SHANK1: variants seen among roughly 807,000 people sequenced by gnomAD.
SHANK1 encodes SH3 and multiple ankyrin repeat domains protein 1.
A neutral mutation model predicts 165.6 loss-of-function variants in SHANK1; 35 were observed. The ratio of observed to expected loss-of-function variants is 0.21; its 90% CI spans 0.16 to 0.28. The LOEUF (loss-of-function observed/expected upper bound fraction) is 0.28, where lower values mean the gene tolerates loss of function less well. Ranked by LOEUF, SHANK1 falls within the 10% of genes least tolerant of loss-of-function variation. The probability of loss-of-function intolerance (pLI) is 1.00; values close to 1 mark genes in which losing one functional copy is unlikely to be tolerated. For synonymous variants in SHANK1, 1,428 were observed against 1,384.8 expected (o/e 1.03, Z -0.69); for missense variants, 2,681 against 3,036.4 (o/e 0.88, Z 2.75).
rs147232411 is a variant in SHANK1, at chr19:50,662,223, G to A, written c.6228C>T (p.Leu2076=). 4.7e-4 allele frequency: 759 copies of A among 1,609,652 alleles called. No homozygotes were observed. The highest frequency in any genetic ancestry group is 6.0e-4 in the Non-Finnish European group (710 of 1,177,180). ...GCAGCGAGAGCAGGCGGGTCGGTGA[G>A]AGGGAGCGCGAGGCCCCTGACAAGG... ...GGALSGASRS[L]SPTRLLSLPP... Residue 2076 remains leucine, a synonymous_variant, in exon 24 of 24, where the codon CTC becomes CTT. Transcript: ENST00000293441. This position sits in a 1 kb window ranked among gnomAD's most constrained non-coding sequence, Gnocchi z 7.7.
At chr19:50,694,827 C>T (rs1340719338) in intron 15 of SHANK1, among the ~76,000 whole-genome samples, 1 of 117,416 alleles carries the variant, frequency 8.5e-6, no homozygotes, top group East Asian at 2.5e-4. Context: ...TGGGGTTTAG[C>T]GGCGGGGGAG....
Position 50,686,273 on chromosome 19 carries a change from C to G in SHANK1, c.2541G>C (p.Leu847=). 6.2e-7 allele frequency: 1 copy of G among 1,607,542 alleles called. No individual in the cohort carries two copies. Among genetic ancestry groups the G allele is most frequent in the Non-Finnish European group, 8.5e-7 (1 of 1,176,608 alleles). ...AGAAACCTTTGGGTCGGTGTTTGCC[C>G]AGGGACGCGAGGCCACCGGGACCAG... ...ESPGPGGLAS[L]GKHRPKGFFA... is the part of the protein sequence containing the mutation. The change falls in exon 21 of 24, where the codon CTG becomes CTC. Residue 847 remains leucine (L), a synonymous_variant. Coordinates refer to ENST00000293441, the MANE Select transcript of SHANK1 (RefSeq NM_016148.5). This position sits in a 1 kb window ranked among gnomAD's most constrained non-coding sequence, Gnocchi z 5.7.
At chr19:50,694,577 A>C in intron 15 of SHANK1, among the ~76,000 whole-genome samples, 1 of 80,494 alleles carries the variant, frequency 1.2e-5, no homozygotes, top group African/African-American at 5.1e-5. Context: ...GCTGGGAGGA[A>C]GGTCTTGGGG....
At position 50,717,143 on chromosome 19, in the gene SHANK1, C is replaced by T. The variant is rs933181821; in HGVS notation, c.-43-181G>A. On this transcript the variant is annotated intron_variant, in intron 1 of 23. Transcript: ENST00000293441. The surrounding 1 kb of genome is among the most constrained non-coding windows in gnomAD (Gnocchi z 5.5). ...CCTGCCGCCTCCTCCCACGCTGGCACGCACACACCCCTGTCCCTGACATGC... is the reference window on the plus strand; with the variant it reads ...CCTGCCGCCTCCTCCCACGCTGGCATGCACACACCCCTGTCCCTGACATGC... Among the ~76,000 whole-genome samples, 1 of 152,166 alleles carries T rather than the reference C, an allele frequency of 6.6e-6. No individual in the cohort carries two copies. Among genetic ancestry groups the T allele is most frequent in the African/African-American group, 2.4e-5 (1 of 41,436 alleles).
Position 50,686,174 on chromosome 19 carries a change from G to C in SHANK1, c.2577+63C>G, listed in dbSNP as rs534604138. 5.4e-5 allele frequency: 51 copies of C among 945,962 alleles called. No homozygotes were observed. Among genetic ancestry groups the C allele is most frequent in the South Asian group, 5.3e-4 (32 of 60,650 alleles). The allele number at this position is 945,962 out of a possible 1,614,324, so 58.6% of individuals were successfully genotyped here. A position where few individuals can be genotyped will look rare whatever the true frequency, so the allele number is the denominator to read the frequency against. On this transcript the variant is annotated intron_variant, in intron 21 of 23. Transcript: ENST00000293441. This position sits in a 1 kb window ranked among gnomAD's most constrained non-coding sequence, Gnocchi z 5.7. ...TCAGGAGGGTTTTGGAAAGAGAAAGGCTCCAGGTTGGTGTGTGAACCGCCT... is the reference window on the plus strand; with the variant it reads ...TCAGGAGGGTTTTGGAAAGAGAAAGCCTCCAGGTTGGTGTGTGAACCGCCT...
intron 23 of SHANK1, 80 bp downstream of exon 23, chr19:50,666,112 G>A (rs986484598): frequency 1.5e-5 from 20 of 1,353,348 alleles, no homozygotes; most frequent in Non-Finnish European, 1.8e-5. Flanking sequence ...TTTCCTTTCT[G>A]CCACCCTGAG....
In SHANK1 at chr19:50,702,403, C is replaced by A. The variant is rs116829160; in HGVS notation, c.1747+64G>T. 591 of 1,449,768 alleles carry A rather than the reference C, an allele frequency of 4.1e-4. 2 individuals are homozygous for A. In the African/African-American group the frequency reaches 7.2e-3, roughly 18 times the overall value. The allele number at this position is 1,449,768 out of a possible 1,614,324, so 89.8% of individuals were successfully genotyped here. A position where few individuals can be genotyped will look rare whatever the true frequency, so the allele number is the denominator to read the frequency against. ...GCCCGAGAATGGTCTGCTCTCTGCT[C>A]CACATTTTCCCTGATCGCCCCCACA... On this transcript the variant is annotated intron_variant, in intron 12 of 23. Transcript: ENST00000293441. The surrounding 1 kb of genome is among the most constrained non-coding windows in gnomAD (Gnocchi z 5.3).
Position 50,662,673 on chromosome 19 carries a change from G to T in SHANK1, c.5778C>A (p.Asp1926Glu). The T allele has an allele frequency of 6.4e-7, 1 of 1,561,972 alleles. No homozygotes were observed. Among genetic ancestry groups the T allele is most frequent in the Non-Finnish European group, 8.7e-7 (1 of 1,153,094 alleles). ...TGGAGAGGAGTGAGGACTGGGAGTCGTCGGAGAGTCTGGAATGTGACAAGG... is the reference window on the plus strand; with the variant it reads ...TGGAGAGGAGTGAGGACTGGGAGTCTTCGGAGAGTCTGGAATGTGACAAGG... ...TSSLQRQRLSDDSQSSLLSKP... is the reference protein window; with the variant it reads ...TSSLQRQRLSEDSQSSLLSKP... The change falls in exon 24 of 24, where the codon GAC becomes GAA. Residue 1926 changes from aspartate (D) to glutamate (E), a missense_variant. By Grantham distance (45) the Asp-to-Glu change is conservative. Around this residue, in one of 10 missense-constraint regions of SHANK1, gnomAD observed 1,713 missense variants for 1,630.2 expected, o/e 1.05. Coordinates refer to ENST00000293441, the MANE Select transcript of SHANK1 (RefSeq NM_016148.5). The surrounding 1 kb of genome is among the most constrained non-coding windows in gnomAD (Gnocchi z 7.7).
rs1344235530 is a variant in SHANK1, at chr19:50,711,982, T to G, written c.925A>C (p.Ile309Leu). ...LLLFNRAQLG[I>L]ADENGWQEIH... ...TCCTGCCAGCCGTTCTCATCAGCTA[T>G]GCCCAGCTGGGCCCTGTTGAACAGG... The change falls in exon 7 of 24, where the codon ATA becomes CTA. Residue 309 changes from isoleucine to leucine, a missense_variant. Ile to Leu is a conservative substitution (Grantham distance 5). Around this residue, in one of 10 missense-constraint regions of SHANK1, gnomAD observed 189 missense variants for 440.9 expected, o/e 0.43. Transcript: ENST00000293441. 1 of 1,614,114 alleles carries G rather than the reference T, an allele frequency of 6.2e-7. No homozygotes were observed. The highest frequency in any genetic ancestry group is 1.7e-5 in the Admixed American group (1 of 60,022).
In SHANK1 at chr19:50,667,135, C is replaced by T. The variant is rs777328992; in HGVS notation, c.4825G>A (p.Ala1609Thr). Residue 1609 changes from alanine (A) to threonine (T), a missense_variant, in exon 23 of 24, where the codon GCT becomes ACT. Physicochemically the swap from Ala to Thr is moderately conservative, Grantham distance 58 (BLOSUM62 0). This residue lies in a region of SHANK1 where 1,713 missense variants were observed against 1,630.2 expected (regional missense o/e 1.05). Coordinates refer to ENST00000293441, the MANE Select transcript of SHANK1 (RefSeq NM_016148.5). The surrounding 1 kb of genome is among the most constrained non-coding windows in gnomAD (Gnocchi z 5.7). ...AGGGTGGGAGGGGCTGCGGCCACAG[C>T]CGGGGGTGGCACAGGGGGTAACGGG... ...ATPLPPVPPP[A>T]VAAAPPTLDS... The T allele has an allele frequency of 1.9e-6, 3 of 1,554,106 alleles. No homozygotes were observed. The highest frequency in any genetic ancestry group is 1.7e-6 in the Non-Finnish European group (2 of 1,156,372).
At position 50,716,362 on chromosome 19, in the gene SHANK1, G is replaced by A; in HGVS notation, c.372C>T (p.Thr124=). The stretch of plus-strand genomic sequence containing the variant: ...CCAGGAAGTTGGCATCGCGGCCGGA[G>A]GTGGCCGGTTGGAACAGGCCATAGT... ...VLNYGLFQPA[T]SGRDANFLEE... The change falls in exon 3 of 24, where the codon ACC becomes ACT. Residue 124 remains threonine, a synonymous_variant. Transcript: ENST00000293441. This position sits in a 1 kb window ranked among gnomAD's most constrained non-coding sequence, Gnocchi z 8.4. 1.2e-6 allele frequency: 2 copies of A among 1,614,228 alleles called. No individual in the cohort carries two copies. Among genetic ancestry groups the A allele is most frequent in the Non-Finnish European group, 1.7e-6 (2 of 1,180,038 alleles).
chr19:50,690,289 A>G lies in SHANK1; in HGVS notation c.1965-1010T>C, dbSNP rs74447341. On this transcript the variant is annotated intron_variant, in intron 15 of 23. Transcript: ENST00000293441. The surrounding 1 kb of genome is among the most constrained non-coding windows in gnomAD (Gnocchi z 4.9). ...AGGCTCACGTACCCAGGAAATGTCA[A>G]TGAAACTCAGATACAGTTCATGGAT... Among the ~76,000 whole-genome samples, 1,823 of 152,216 alleles carry G rather than the reference A, an allele frequency of 0.012. 40 individuals carry two copies. Among genetic ancestry groups the G allele is most frequent in the African/African-American group, 0.042 (1,745 of 41,504 alleles).
intron 15 of SHANK1, among the ~76,000 whole-genome samples, chr19:50,689,734 G>A (rs1986483640): frequency 6.6e-6 from 1 of 152,142 alleles, no homozygotes; most frequent in South Asian, 2.1e-4. Context: ...AATCCAGTGG[G>A]GGTAATACAC....
At chr19:50,714,135 A>AGC in intron 5 of SHANK1, 47 bp downstream of exon 5, 1 of 1,579,398 alleles carries the variant, frequency 6.3e-7, no homozygotes, top group Non-Finnish European at 8.7e-7. Context: ...CCTGCTCCCC[A>AGC]GCTCTGTCCT....
chr19:50,668,015 G>A lies in SHANK1; in HGVS notation c.3945C>T (p.Ala1315=). 6.8e-7 allele frequency: 1 copy of A among 1,474,894 alleles called. No homozygotes were observed. The highest frequency in any genetic ancestry group is 8.9e-7 in the Non-Finnish European group (1 of 1,118,812). The allele number at this position is 1,474,894 out of a possible 1,614,324, so 91.4% of individuals were successfully genotyped here. The change falls in exon 23 of 24, where the codon GCC becomes GCT. Residue 1315 remains alanine, a synonymous_variant. Coordinates refer to ENST00000293441, the MANE Select transcript of SHANK1 (RefSeq NM_016148.5). ...GSGAGYGGYG[A]GSRAYGGGGG... The stretch of plus-strand genomic sequence containing the variant: ...CGCCACCCCCGTAGGCTCGGCTACC[G>A]GCCCCGTAGCCGCCGTAGCCCGCGC...
At position 50,717,102 on chromosome 19, in the gene SHANK1, G is replaced by C. The variant is rs1436647132; in HGVS notation, c.-43-140C>G. 1.7e-6 allele frequency: 1 copy of C among 599,084 alleles called. No homozygotes were observed. Among genetic ancestry groups the C allele is most frequent in the African/African-American group, 1.9e-5 (1 of 52,324 alleles). The allele number at this position is 599,084 out of a possible 1,614,324, so 37.1% of individuals were successfully genotyped here. A position where few individuals can be genotyped will look rare whatever the true frequency, so the allele number is the denominator to read the frequency against. ...CAGGAAGGAGGCTGGACACACCCTC[G>C]GCCTGCACGGCCTCCCCTGCCGCCT... On this transcript the variant is annotated intron_variant, in intron 1 of 23. Coordinates refer to ENST00000293441, the MANE Select transcript of SHANK1 (RefSeq NM_016148.5). This position sits in a 1 kb window ranked among gnomAD's most constrained non-coding sequence, Gnocchi z 5.5.
At position 50,672,060 on chromosome 19, in the gene SHANK1, G is replaced by A. The variant is rs1985811581; in HGVS notation, c.2632C>T (p.Leu878=). 6.2e-7 allele frequency: 1 copy of A among 1,613,908 alleles called. No homozygotes were observed. The highest frequency in any genetic ancestry group is 1.3e-5 in the African/African-American group (1 of 74,904). ...AGCATCAACCCAGGTCCTGGAGGCA[G>A]GAAAGAAGGACGCTCGTAACTTGGC... ...AQPSYERPSF[L]PPGPGLMLRQ... Residue 878 remains leucine, a synonymous_variant, in exon 22 of 24, where the codon CTG becomes TTG. Transcript: ENST00000293441.
rs1986442768 is a variant in SHANK1, at chr19:50,688,778, G to A, written c.2172+66C>T. On this transcript the variant is annotated intron_variant, in intron 17 of 23. Coordinates refer to ENST00000293441, the MANE Select transcript of SHANK1 (RefSeq NM_016148.5). This position sits in a 1 kb window ranked among gnomAD's most constrained non-coding sequence, Gnocchi z 6.7. ...TAAAACTGGGCAGCCAGATCCTGGT[G>A]TGAATCATGAGGGGGTCTGGGAACT... The A allele has an allele frequency of 4.6e-6, 7 of 1,534,906 alleles. No individual in the cohort carries two copies. The South Asian group carries it at 7.3e-5, about 16-fold the overall frequency.
chr19:50,663,998 G>T (rs577900756), intron 23 of SHANK1, among the ~76,000 whole-genome samples: 2 of 136,164 alleles, frequency 1.5e-5, no homozygotes, highest in Non-Finnish European at 3.1e-5. Flanking sequence ...GCAGTGCCTT[G>T]GTGTCATATC....
Sources: gnomAD v4.1 joint callset for allele counts (sites outside exome capture counted in the v4.1 genomes callset) on GRCh38, gnomAD v4.1.1 for gene constraint, gnomAD v4.1.1 regional missense constraint, Gnocchi (gnomAD v3.1) non-coding constraint, MANE v1.5 for transcripts, NCBI Gene and HGNC (gene_info 2026-07-23, HGNC 2026-07-21) for gene names.